The following IQCH variants were observed in gnomAD, a reference collection of about 807,000 sequenced individuals.
IQCH encodes the protein IQ motif containing H.
In IQCH, 98 loss-of-function variants were observed where a neutral mutation model predicts 117.0. The observed-to-expected ratio is 0.84, with a 90% CI of 0.71 to 0.99. The LOEUF is 0.99. IQCH is among the 50% of genes least tolerant of loss of function. IQCH has a pLI of 0.00. For missense variants in IQCH, 1,102 were observed against 1,243.8 expected, an observed-to-expected ratio of 0.89 and a Z score of 1.72; for synonymous variants, 412 against 448.2, an observed-to-expected ratio of 0.92 and a Z score of 1.02.
At chr15:67,382,423 T>A (rs1970963755) in intron 10 of IQCH, among the ~76,000 whole-genome samples, 1 of 152,192 alleles carries the variant, frequency 6.6e-6, no homozygotes, top group Non-Finnish European at 1.5e-5. Context: ...CTTAATTCCA[T>A]TAGCAACTTT....
chr15:67,390,816 T>C lies in IQCH; in HGVS notation c.1632+1810T>C, dbSNP rs1479741310. 6.6e-6 allele frequency among the ~76,000 whole-genome samples: 1 copy of C among 152,182 alleles called. No homozygotes were observed. Among genetic ancestry groups the C allele is most frequent in the Non-Finnish European group, 1.5e-5 (1 of 68,032 alleles). On this transcript the variant is annotated intron_variant, in intron 12 of 20. Transcript: ENST00000335894. The surrounding 1 kb of genome is among the most constrained non-coding windows in gnomAD (Gnocchi z 5.0). The stretch of plus-strand genomic sequence containing the variant: ...GTTTCTCATTTGATTCTCAGAAGAA[T>C]GCATCAAGATGGAAAGATAGCTCTT...
Position 67,465,392 on chromosome 15 carries a change from G to A in IQCH, c.2676+95G>A, listed in dbSNP as rs894705433. 9 of 1,336,900 alleles carry A rather than the reference G, an allele frequency of 6.7e-6. No individual in the cohort carries two copies. The African/African-American group carries it at 1.0e-4, about 15-fold the overall frequency. 82.8% of individuals were successfully genotyped at this position (1,336,900 alleles called of 1,614,324 possible). A position where few individuals can be genotyped will look rare whatever the true frequency, so the allele number is the denominator to read the frequency against. On this transcript the variant is annotated intron_variant, in intron 17 of 20. Transcript: ENST00000335894. The surrounding 1 kb of genome is among the most constrained non-coding windows in gnomAD (Gnocchi z 5.9). ...CTAGGAGCCAGGATCTTTGAGTACA[G>A]GAAGAAGAAAGAGCCTAAGGCAAGT...
rs927242575 is a variant in IQCH at position 67,422,466 on chromosome 15, C to T, written c.2505+889C>T. On this transcript the variant is annotated intron_variant, in intron 16 of 20. Transcript: ENST00000335894. The surrounding 1 kb of genome is among the most constrained non-coding windows in gnomAD (Gnocchi z 4.7). ...TCAGTGCCACCTGCAGTCCTGTGTACTCCTTGCCAAGCACATGGCTCTTCC... is the reference window on the plus strand; with the variant it reads ...TCAGTGCCACCTGCAGTCCTGTGTATTCCTTGCCAAGCACATGGCTCTTCC... Among the ~76,000 whole-genome samples the T allele has an allele frequency of 2.6e-5, 4 of 152,170 alleles. No individual in the cohort carries two copies. Among genetic ancestry groups the T allele is most frequent in the African/African-American group, 9.7e-5 (4 of 41,430 alleles).
chr15:67,412,129 A>G (rs2081466063), intron 14 of IQCH, among the ~76,000 whole-genome samples: 2 of 152,262 alleles, frequency 1.3e-5, no homozygotes, highest in Admixed American at 6.5e-5. Context: ...CGCTAATTGC[A>G]TTCCCAGAGC....
chr15:67,494,216 G>A lies in IQCH; in HGVS notation c.2862-42G>A. On this transcript the variant is annotated intron_variant, in intron 19 of 20. Coordinates refer to ENST00000335894, the MANE Select transcript of IQCH (RefSeq NM_001031715.3). This position sits in a 1 kb window ranked among gnomAD's most constrained non-coding sequence, Gnocchi z 5.5. ...GGGCGATTGTTTTTAAGCATGTGAA[G>A]GGAATCGTTGGTAAACTCATTTGTT... The A allele has an allele frequency of 7.0e-7, 1 of 1,424,588 alleles. No individual in the cohort carries two copies. The highest frequency in any genetic ancestry group is 9.7e-7 in the Non-Finnish European group (1 of 1,036,132). 88.2% of individuals were successfully genotyped at this position (1,424,588 alleles called of 1,614,324 possible). A position where few individuals can be genotyped will look rare whatever the true frequency, so the allele number is the denominator to read the frequency against.
Position 67,342,402 on chromosome 15 carries a change from C to T in IQCH, c.509-1661C>T, listed in dbSNP as rs1172416361. 6.6e-6 allele frequency among the ~76,000 whole-genome samples: 1 copy of T among 152,032 alleles called. No homozygotes were observed. The highest frequency in any genetic ancestry group is 1.9e-4 in the East Asian group (1 of 5,186). On this transcript the variant is annotated intron_variant, in intron 5 of 20. Transcript: ENST00000335894. The surrounding 1 kb of genome is among the most constrained non-coding windows in gnomAD (Gnocchi z 4.7). ...GCTTGTTCGAAAATCTTAATTTTTTCCTTCCAATAGTAGATGGGCACACAT... is the reference window on the plus strand; with the variant it reads ...GCTTGTTCGAAAATCTTAATTTTTTTCTTCCAATAGTAGATGGGCACACAT...
rs914214042 is a variant in IQCH at position 67,467,864 on chromosome 15, A to C, written c.2676+2567A>C. 5.3e-5 allele frequency among the ~76,000 whole-genome samples: 8 copies of C among 152,226 alleles called. No individual in the cohort carries two copies. Among genetic ancestry groups the C allele is most frequent in the Non-Finnish European group, 1.0e-4 (7 of 68,052 alleles). ...AAACTAATGCCTATAAAATGCTTCC[A>C]GTGTGGGCCCTTTTCTTTAATAATA... On this transcript the variant is annotated intron_variant, in intron 17 of 20. Transcript: ENST00000335894. This position sits in a 1 kb window ranked among gnomAD's most constrained non-coding sequence, Gnocchi z 5.7.
At chr15:67,428,600 C>T (rs2081946720) in intron 16 of IQCH, among the ~76,000 whole-genome samples, 1 of 151,994 alleles carries the variant, frequency 6.6e-6, no homozygotes, top group South Asian at 2.1e-4. Context: ...CCTGTAATCC[C>T]AACACTTTGG....
Position 67,490,363 on chromosome 15 carries a change from G to A in IQCH, c.2861+299G>A, listed in dbSNP as rs1206224324. Among the ~76,000 whole-genome samples the A allele has an allele frequency of 1.3e-5, 2 of 151,984 alleles. No homozygotes were observed. Among genetic ancestry groups the A allele is most frequent in the African/African-American group, 2.4e-5 (1 of 41,366 alleles). Reference sequence around the variant, plus strand: ...TGGGATTACAGGTGCGTGCCACCATGCCCAGCTAATTTTTGTATTTTTAGT... The same window carrying A: ...TGGGATTACAGGTGCGTGCCACCATACCCAGCTAATTTTTGTATTTTTAGT... On this transcript the variant is annotated intron_variant, in intron 19 of 20. Transcript: ENST00000335894. This position sits in a 1 kb window ranked among gnomAD's most constrained non-coding sequence, Gnocchi z 4.9.
At chr15:67,304,148 C>CA (rs1967187318) in intron 4 of IQCH, among the ~76,000 whole-genome samples, 1 of 152,166 alleles carries the variant, frequency 6.6e-6, no homozygotes, top group Admixed American at 6.5e-5. Context: ...AAAATCTACA[C>CA]AAAGTTCCTT....
chr15:67,347,948 G>A (rs1222872560), intron 6 of IQCH, among the ~76,000 whole-genome samples: 1 of 149,686 alleles, frequency 6.7e-6, no homozygotes, highest in African/African-American at 2.4e-5. Flanking sequence ...ACCATGTGGG[G>A]TTTATCCTAG....
At position 67,395,701 on chromosome 15, in the gene IQCH, AC is replaced by A. The variant is rs1300302846; in HGVS notation, c.1905+139del. ...TATTTGAGTTGATTTGAGGGAATCTACTTTATTTATTTATTTATTTATTTAT... is the reference window on the plus strand; with the variant it reads ...TATTTGAGTTGATTTGAGGGAATCTATTTATTTATTTATTTATTTATTTAT... On this transcript the variant is annotated intron_variant, in intron 13 of 20. Coordinates refer to ENST00000335894, the MANE Select transcript of IQCH (RefSeq NM_001031715.3). The surrounding 1 kb of genome is among the most constrained non-coding windows in gnomAD (Gnocchi z 4.0). 2 of 242,514 alleles carry A rather than the reference AC, an allele frequency of 8.2e-6. No individual in the cohort carries two copies. Among genetic ancestry groups the A allele is most frequent in the African/African-American group, 1.4e-4 (2 of 14,212 alleles). 15.0% of individuals were successfully genotyped at this position (242,514 alleles called of 1,614,324 possible).
chr15:67,265,785 A>T lies in IQCH; in HGVS notation c.269+2569A>T, dbSNP rs183218396. On this transcript the variant is annotated intron_variant, in intron 3 of 20. Coordinates refer to ENST00000335894, the MANE Select transcript of IQCH (RefSeq NM_001031715.3). ...CGCTGTCATGAATAGACTTGGCTTCAGAGTCTGGCATGGACTGCTAGGAGA... is the reference window on the plus strand; with the variant it reads ...CGCTGTCATGAATAGACTTGGCTTCTGAGTCTGGCATGGACTGCTAGGAGA... Among the ~76,000 whole-genome samples the T allele has an allele frequency of 7.0e-4, 107 of 152,362 alleles. 1 individual carries two copies. Among genetic ancestry groups the T allele is most frequent in the Admixed American group, 4.4e-3 (67 of 15,308 alleles).
intron 4 of IQCH, among the ~76,000 whole-genome samples, chr15:67,289,685 A>G (rs866261501): frequency 5.9e-5 from 9 of 152,108 alleles, no homozygotes; most frequent in Non-Finnish European, 1.2e-4. Flanking sequence ...TACACGTAGT[A>G]TGGAGGTCAG....
chr15:67,410,467 G>A (rs1015761355), intron 14 of IQCH, among the ~76,000 whole-genome samples: 2 of 152,194 alleles, frequency 1.3e-5, no homozygotes, highest in African/African-American at 4.8e-5. Flanking sequence ...CCTGCTCAAG[G>A]CAATAGGAAG....
rs1325452543 is a variant in IQCH at position 67,411,014 on chromosome 15, T to C, written c.2098-5917T>C. Among the ~76,000 whole-genome samples, 1 of 152,110 alleles carries C rather than the reference T, an allele frequency of 6.6e-6. No homozygotes were observed. Among genetic ancestry groups the C allele is most frequent in the Non-Finnish European group, 1.5e-5 (1 of 68,022 alleles). Reference sequence around the variant, plus strand: ...CAGAGAGTGGCTGAGATAATAAATGTAAACCACCCCCACCCCACCCCTGCA... The same window carrying C: ...CAGAGAGTGGCTGAGATAATAAATGCAAACCACCCCCACCCCACCCCTGCA... On this transcript the variant is annotated intron_variant, in intron 14 of 20. Coordinates refer to ENST00000335894, the MANE Select transcript of IQCH (RefSeq NM_001031715.3). The surrounding 1 kb of genome is among the most constrained non-coding windows in gnomAD (Gnocchi z 4.4).
rs1264849316 is a variant in IQCH at position 67,425,369 on chromosome 15, T to C, written c.2505+3792T>C. On this transcript the variant is annotated intron_variant, in intron 16 of 20. Coordinates refer to ENST00000335894, the MANE Select transcript of IQCH (RefSeq NM_001031715.3). The surrounding 1 kb of genome is among the most constrained non-coding windows in gnomAD (Gnocchi z 5.5). ...TGGCTCACGCCTGTAATCCCAGCAC[T>C]TTGGGTGGCCGAGGTGGGTGGATCA... 1.3e-5 allele frequency among the ~76,000 whole-genome samples: 2 copies of C among 152,192 alleles called. No homozygotes were observed. Among genetic ancestry groups the C allele is most frequent in the East Asian group, 3.8e-4 (2 of 5,200 alleles).
chr15:67,355,618 C>T (rs1969862381), intron 6 of IQCH, among the ~76,000 whole-genome samples: 1 of 151,976 alleles, frequency 6.6e-6, no homozygotes, highest in African/African-American at 2.4e-5. Flanking sequence ...GTAATAACTA[C>T]CACAAAAGCA....
chr15:67,421,011 G>A (rs543449137), intron 15 of IQCH, among the ~76,000 whole-genome samples: 1 of 152,348 alleles, frequency 6.6e-6, no homozygotes, highest in African/African-American at 2.4e-5. Context: ...GATCCTCACA[G>A]TGTCTTCAAA....
Sources: allele counts gnomAD v4.1 joint callset (sites outside exome capture counted in the v4.1 genomes callset), GRCh38; gene constraint gnomAD v4.1.1; non-coding constraint Gnocchi (gnomAD v3.1); transcripts MANE v1.5; gene names NCBI Gene and HGNC (gene_info 2026-07-23, HGNC 2026-07-21).